Variants in LYN observed in about 807,000 individuals in gnomAD.
The protein encoded by LYN is LYN proto-oncogene, Src family tyrosine kinase.
In LYN, 12 loss-of-function variants were observed where a neutral mutation model predicts 65.0. That is an observed-to-expected ratio of 0.18 (90% CI 0.12 to 0.30). LYN has a LOEUF of 0.30. LYN is among the 10% of genes least tolerant of loss of function. LYN has a pLI of 1.00. For synonymous variants in LYN, 222 were observed against 221.2 expected, an observed-to-expected ratio of 1.00 and a Z score of -0.03; for missense variants, 380 against 623.2, an observed-to-expected ratio of 0.61 and a Z score of 4.16.
intron 1 of LYN, among the ~76,000 whole-genome samples, chr8:55,921,073 T>C (rs959634036): frequency 6.6e-6 from 1 of 152,234 alleles, no homozygotes; most frequent in Admixed American, 6.5e-5. Context: ...GGGGGACATT[T>C]TGTTTGTTTT....
intron 12 of LYN, among the ~76,000 whole-genome samples, chr8:56,004,319 A>G (rs1808617649): frequency 1.4e-5 from 2 of 140,476 alleles, no homozygotes; most frequent in South Asian, 2.2e-4. Context: ...TTTGAGACAG[A>G]GTCTCGCTCC....
chr8:55,949,533 C>A (rs1273701516), intron 4 of LYN, among the ~76,000 whole-genome samples: 1 of 152,198 alleles, frequency 6.6e-6, no homozygotes, highest in Non-Finnish European at 1.5e-5. Flanking sequence ...GCTGTTGAGT[C>A]TTGGATATAA....
At chr8:56,009,460 C>G (rs370925398) in intron 12 of LYN, among the ~76,000 whole-genome samples, 1 of 152,078 alleles carries the variant, frequency 6.6e-6, no homozygotes, top group Non-Finnish European at 1.5e-5. Context: ...TTTATTTTTC[C>G]GGGGTTCTGG....
At chr8:55,900,673 G>T (rs1805237051) in intron 1 of LYN, among the ~76,000 whole-genome samples, 1 of 151,566 alleles carries the variant, frequency 6.6e-6, no homozygotes, top group African/African-American at 2.4e-5. Context: ...GAGCCATTGT[G>T]CCCAGTTTAA....
At chr8:55,938,646 C>T (rs937776014) in intron 1 of LYN, among the ~76,000 whole-genome samples, 17 of 152,182 alleles carry the variant, frequency 1.1e-4, no homozygotes, top group Non-Finnish European at 2.1e-4. Context: ...ATTTTATTAA[C>T]TTCATTATTG....
intron 8 of LYN, among the ~76,000 whole-genome samples, chr8:55,961,372 A>C (rs977739221): frequency 6.6e-6 from 1 of 152,202 alleles, no homozygotes; most frequent in Non-Finnish European, 1.5e-5. Context: ...TGAACCTTCA[A>C]ACTACCAGAG....
intron 1 of LYN, among the ~76,000 whole-genome samples, chr8:55,885,530 G>A (rs1804768111): frequency 6.6e-6 from 1 of 152,140 alleles, no homozygotes; most frequent in Non-Finnish European, 1.5e-5. Context: ...TGTGGTCTTT[G>A]GGCCTACCCT....
At chr8:55,917,157 T>C (rs958713455) in intron 1 of LYN, among the ~76,000 whole-genome samples, 3 of 148,484 alleles carry the variant, frequency 2.0e-5, no homozygotes, top group South Asian at 2.1e-4. Context: ...GCCTGGGTGA[T>C]AGAGTGAGAT....
chr8:55,882,146 T>C (rs906346048), intron 1 of LYN, among the ~76,000 whole-genome samples: 1 of 152,192 alleles, frequency 6.6e-6, no homozygotes. Context: ...TCTCTACTTA[T>C]TACTGGAAGA....
At chr8:56,009,876 G>A (rs1563333223) in intron 12 of LYN, 32 bp from the exon 13 acceptor site, 2 of 1,595,178 alleles carry the variant, frequency 1.3e-6, no homozygotes. Flanking sequence ...AACGGCATGG[G>A]TTTCTGTTCT....
At chr8:55,928,606 A>T (rs1806177308) in intron 1 of LYN, among the ~76,000 whole-genome samples, 1 of 152,190 alleles carries the variant, frequency 6.6e-6, no homozygotes, top group East Asian at 1.9e-4. Context: ...TGATTTTAAG[A>T]GTTCTTTGTC....
At chr8:55,951,187 G>A (rs543662354) in intron 6 of LYN, among the ~76,000 whole-genome samples, 1 of 151,994 alleles carries the variant, frequency 6.6e-6, no homozygotes, top group Admixed American at 6.5e-5. Context: ...AGGCTGCAGT[G>A]AGCCGTGATC....
At chr8:55,955,889 G>A (rs1319374361) in intron 8 of LYN, among the ~76,000 whole-genome samples, 2 of 152,162 alleles carry the variant, frequency 1.3e-5, no homozygotes, top group Non-Finnish European at 2.9e-5. Context: ...TCCATTGCAT[G>A]ACTATAACAG....
chr8:56,000,586 G>T (rs749528754), intron 12 of LYN, among the ~76,000 whole-genome samples: 4 of 151,718 alleles, frequency 2.6e-5, no homozygotes, highest in South Asian at 2.1e-4. Flanking sequence ...AAATTAGCTG[G>T]GCGTAGTGGT....
At chr8:55,971,889 C>T (rs746874463) in intron 10 of LYN, among the ~76,000 whole-genome samples, 3 of 152,148 alleles carry the variant, frequency 2.0e-5, no homozygotes, top group Non-Finnish European at 2.9e-5. Flanking sequence ...TCATAGCTTA[C>T]GAGGAAGATT....
chr8:55,924,111 A>G (rs1393324904), intron 1 of LYN, among the ~76,000 whole-genome samples: 4 of 151,248 alleles, frequency 2.6e-5, no homozygotes, highest in East Asian at 1.9e-4. Flanking sequence ...AGTTTTACAA[A>G]TATATGCTGC....
chr8:55,999,390 A>G, intron 11 of LYN, 28 bp from the exon 12 acceptor site: 1 of 1,606,136 alleles, frequency 6.2e-7, no homozygotes, highest in South Asian at 1.1e-5. Context: ...TAAATACCCA[A>G]GTAAGAACCA....
Position 56,012,710 on chromosome 8 carries a change from C to T in LYN, c.*2600C>T, listed in dbSNP as rs985423240. The T allele has an allele frequency of 2.4e-4, 36 of 149,572 alleles. 1 individual carries two copies. The highest frequency in any genetic ancestry group is 5.1e-4 in the Non-Finnish European group (35 of 68,604). The allele number at this position is 149,572 out of a possible 1,614,324, so 9.3% of individuals were successfully genotyped here. On this transcript the variant is annotated 3_prime_UTR_variant, in exon 13 of 13. Transcript: ENST00000519728. The stretch of plus-strand genomic sequence containing the variant: ...CTCCAGCCTGGGCAAGAGTGAGACC[C>T]TGTCTCAAAAAAAAAAACCAAAAAA...
intron 8 of LYN, among the ~76,000 whole-genome samples, chr8:55,960,766 A>G (rs1807248770): frequency 6.6e-6 from 1 of 152,258 alleles, no homozygotes; most frequent in African/African-American, 2.4e-5. Context: ...GTTCATGGAC[A>G]ACCCATTTCA....
Sources: allele counts gnomAD v4.1 joint callset (sites outside exome capture counted in the v4.1 genomes callset), GRCh38; gene constraint gnomAD v4.1.1; transcripts MANE v1.5; gene names NCBI Gene and HGNC (gene_info 2026-07-23, HGNC 2026-07-21).